The following FAM72A variants were observed in gnomAD, a reference collection of about 807,000 sequenced individuals.
FAM72A encodes regulator of UNG2 and MKLN1 interacting yippee protein 1.
Under a neutral mutation model 11.3 loss-of-function variants are expected in FAM72A, and 1 was observed. The observed-to-expected ratio is 0.09, with a 90% CI of 0.03 to 0.42. The LOEUF is 0.42. Among genes scored for constraint, FAM72A ranks in the 10% least tolerant of loss-of-function variants. The pLI is 0.98. For missense variants in FAM72A, 15 were observed against 135.5 expected (o/e 0.11, Z 4.41); for synonymous variants, 5 against 46.9 (o/e 0.11, Z 3.65).
chr1:206,196,532 A>C (rs2102389549), intron 2 of FAM72A, among the ~76,000 whole-genome samples: 1 of 106,220 alleles, frequency 9.4e-6, no homozygotes, highest in South Asian at 3.7e-4. Context: ...GGTTTTTGCT[A>C]TCCCAGGACT....
upstream of FAM72A, chr1:206,203,276 G>C (rs1422492802): frequency 2.5e-6 from 1 of 394,790 alleles, no homozygotes; most frequent in Non-Finnish European, 4.5e-6. Flanking sequence ...GTTTGTGTTT[G>C]GTCGTCGGTT....
At chr1:206,198,503 A>C (rs1488870983) in intron 2 of FAM72A, among the ~76,000 whole-genome samples, 3 of 145,598 alleles carry the variant, frequency 2.1e-5, no homozygotes, top group Admixed American at 6.8e-5. Context: ...TAAAGGAATG[A>C]AATCAAATAG....
intron 3 of FAM72A, among the ~76,000 whole-genome samples, chr1:206,191,611 T>C (rs1200863950): frequency 8.5e-6 from 1 of 118,202 alleles, no homozygotes; most frequent in Non-Finnish European, 1.6e-5. Flanking sequence ...AAACTCTGTC[T>C]CAAAAAAAAA....
intron 2 of FAM72A, among the ~76,000 whole-genome samples, chr1:206,198,315 G>C (rs1272370034): frequency 2.0e-5 from 3 of 150,758 alleles, no homozygotes; most frequent in Non-Finnish European, 4.4e-5. Context: ...AGTAAGCTGA[G>C]ATCGTGCCAC....
intron 3 of FAM72A, among the ~76,000 whole-genome samples, chr1:206,193,114 T>C (rs1293404830): frequency 4.3e-4 from 65 of 151,642 alleles, no homozygotes; most frequent in Middle Eastern, 3.4e-3. Context: ...GGTTTCTCCA[T>C]GTTGGTCAGG....
At chr1:206,203,829 T>C (rs1553300057), upstream of FAM72A, 2 of 1,526,162 alleles carry the variant, frequency 1.3e-6, no homozygotes, top group Admixed American at 4.0e-5. Context: ...AATCTCCCAG[T>C]ACAGCCCATA....
upstream of FAM72A, chr1:206,203,757 G>A (rs1263786116): frequency 6.8e-7 from 1 of 1,467,210 alleles, no homozygotes; most frequent in African/African-American, 1.4e-5. Context: ...GATGCTGCTC[G>A]CGGCATCGCC....
At chr1:206,188,569 T>C (rs1664641157) in intron 3 of FAM72A, among the ~76,000 whole-genome samples, 1 of 100,580 alleles carries the variant, frequency 9.9e-6, no homozygotes, top group Non-Finnish European at 2.0e-5. Flanking sequence ...AGTCGAGTGG[T>C]GTAATCTTGG....
chr1:206,205,101 C>T (rs1291447858), upstream of FAM72A: 1 of 151,938 alleles, frequency 6.6e-6, no homozygotes, highest in African/African-American at 2.4e-5. Context: ...GTCGGGAGGG[C>T]TCCCTCGGGC....
chr1:206,196,894 T>C (rs1239557760), intron 2 of FAM72A, among the ~76,000 whole-genome samples: 33 of 148,052 alleles, frequency 2.2e-4, no homozygotes, highest in Non-Finnish European at 4.2e-4. Context: ...GAACTGTTTA[T>C]ACCTTGAGTT....
chr1:206,204,258 GGCAGCCTTCTCCTTGCC>G (rs1424862511), upstream of FAM72A: 12 of 479,450 alleles, frequency 2.5e-5, no homozygotes, highest in Non-Finnish European at 4.6e-5. Flanking sequence ...TCACCTCTAA[GGCAGCCTTCTCCTTGCC>G]GCCTCCCGCC....
chr1:206,202,165 GTT>G lies in FAM72A; in HGVS notation c.-142_-141del. On this transcript the variant is annotated 5_prime_UTR_variant, in exon 1 of 4. Transcript: ENST00000367128. ...AGTCCTAATATTGGGAAGGAAATTA[GTT>G]TTTTTTTCTGTTTTCCCGGTGGCGG... 1.1e-6 allele frequency: 1 copy of G among 927,484 alleles called. No homozygotes were observed. The highest frequency in any genetic ancestry group is 1.4e-6 in the Non-Finnish European group (1 of 698,444). 57.5% of individuals were successfully genotyped at this position (927,484 alleles called of 1,614,324 possible).
At chr1:206,192,880 C>T (rs1664865291) in intron 3 of FAM72A, among the ~76,000 whole-genome samples, 1 of 150,136 alleles carries the variant, frequency 6.7e-6, no homozygotes, top group Non-Finnish European at 1.5e-5. Flanking sequence ...ATGAAGGTGG[C>T]TACACTAAAC....
chr1:206,186,437 A>ACAAAG lies in FAM72A; in HGVS notation c.*837_*841dup, dbSNP rs1238631438. The stretch of plus-strand genomic sequence containing the variant: ...CTGAATGCAGCTTTAAAAAAACAAA[A>ACAAAG]CAAAGCAAAGCAAAGCAAAACAAAA... On this transcript the variant is annotated 3_prime_UTR_variant, in exon 4 of 4. Transcript: ENST00000367128. 4.1e-5 allele frequency: 2 copies of ACAAAG among 48,624 alleles called. No individual in the cohort carries two copies. Among genetic ancestry groups the ACAAAG allele is most frequent in the Non-Finnish European group, 9.1e-5 (2 of 22,060 alleles). The allele number at this position is 48,624 out of a possible 1,614,324, so 3.0% of individuals were successfully genotyped here.
intron 1 of FAM72A, chr1:206,201,170 AT>A (rs1665327396): frequency 1.3e-5 from 1 of 76,358 alleles, no homozygotes; most frequent in African/African-American, 5.0e-5. Context: ...GTCAAATAAA[AT>A]GGCTATTTTA....
intron 2 of FAM72A, among the ~76,000 whole-genome samples, chr1:206,198,922 A>T (rs1471380059): frequency 6.6e-6 from 1 of 150,956 alleles, no homozygotes; most frequent in Non-Finnish European, 1.5e-5. Flanking sequence ...AAAAAAAAAA[A>T]AAAAAAAAAA....
intron 3 of FAM72A, among the ~76,000 whole-genome samples, chr1:206,191,786 G>A (rs1230171088): frequency 9.0e-5 from 13 of 144,034 alleles, no homozygotes; most frequent in Admixed American, 2.1e-4. Context: ...GGAGTGCAGC[G>A]GTGCCACCTC....
chr1:206,198,286 C>G (rs1665175268), intron 2 of FAM72A, among the ~76,000 whole-genome samples: 1 of 150,374 alleles, frequency 6.7e-6, no homozygotes, highest in African/African-American at 2.5e-5. Flanking sequence ...TTCGCTTGAA[C>G]CTGGGAGGCG....
intron 2 of FAM72A, among the ~76,000 whole-genome samples, chr1:206,196,191 C>G (rs1380354309): frequency 8.2e-6 from 1 of 122,130 alleles, no homozygotes; most frequent in Non-Finnish European, 1.7e-5. Flanking sequence ...TCAAGTGATT[C>G]TCCTGCCTCA....
Sources: gnomAD v4.1 joint callset for allele counts (sites outside exome capture counted in the v4.1 genomes callset) on GRCh38, gnomAD v4.1.1 for gene constraint, MANE v1.5 for transcripts, NCBI Gene and HGNC (gene_info 2026-07-23, HGNC 2026-07-21) for gene names.